Variants in UGT1A9 observed in about 807,000 individuals in gnomAD.
The protein encoded by UGT1A9 is UDP-glucuronosyltransferase 1A9.
A neutral mutation model predicts 45.0 loss-of-function variants in UGT1A9; 35 were observed. The observed-to-expected ratio is 0.78, with a 90% CI of 0.59 to 1.03. UGT1A9 has a LOEUF of 1.03. UGT1A9 is among the 50% of genes least tolerant of loss of function. The pLI is 0.00. For missense variants in UGT1A9, 687 were observed against 666.6 expected (o/e 1.03, Z -0.34); for synonymous variants, 278 against 250.6 (o/e 1.11, Z -1.03).
At chr2:233,728,129 G>A (rs554109385) in intron 1 of UGT1A9, among the ~76,000 whole-genome samples, 1 of 152,318 alleles carries the variant, frequency 6.6e-6, no homozygotes, top group South Asian at 2.1e-4. Context: ...ATTTGGACTA[G>A]GGCCCCCACA....
chr2:233,712,866 G>A (rs1236935374), intron 1 of UGT1A9: 3 of 1,573,916 alleles, frequency 1.9e-6, no homozygotes, highest in African/African-American at 1.4e-5. Flanking sequence ...CTGGAGGAGG[G>A]CACTCTGTCT....
chr2:233,724,607 C>G (rs536726765), intron 1 of UGT1A9, among the ~76,000 whole-genome samples: 1,973 of 135,436 alleles, frequency 0.015, 114 homozygotes, highest in Non-Finnish European at 0.021. Context: ...GATGGGCGGC[C>G]GGGCAGAGAC....
At chr2:233,740,770 T>C (rs1691472296) in intron 1 of UGT1A9, 2 of 151,812 alleles carry the variant, frequency 1.3e-5, no homozygotes, top group Admixed American at 6.5e-5. Flanking sequence ...CAAACCGTTG[T>C]ATAAAAGATG....
At chr2:233,717,172 G>A (rs557885764) in intron 1 of UGT1A9, among the ~76,000 whole-genome samples, 1 of 152,170 alleles carries the variant, frequency 6.6e-6, no homozygotes, top group Non-Finnish European at 1.5e-5. Context: ...CTTGAATGTG[G>A]CAAGAGCACC....
intron 1 of UGT1A9, among the ~76,000 whole-genome samples, chr2:233,706,345 A>G (rs2075904063): frequency 6.6e-6 from 1 of 152,210 alleles, no homozygotes. Flanking sequence ...TGACCCTGAA[A>G]AAACATTCTT....
intron 1 of UGT1A9, chr2:233,744,153 G>A (rs1282239718): frequency 6.6e-6 from 2 of 302,660 alleles, no homozygotes; most frequent in Non-Finnish European, 1.3e-5. Flanking sequence ...TCCAAGACCA[G>A]GCCCCGCCCA....
rs546323978 is a variant in UGT1A9, at chr2:233,743,185, G to C, written c.856-23849G>C. On this transcript the variant is annotated intron_variant, in intron 1 of 4. Transcript: ENST00000354728. ...TGTGCTTAAAGTCAAATGTGGACTG[G>C]AATTACTTGGTGTCAATGCGGAGTA... 3 of 372,746 alleles carry C rather than the reference G, an allele frequency of 8.0e-6. No homozygotes were observed. The East Asian group carries it at 2.2e-4, about 27-fold the overall frequency. The allele number at this position is 372,746 out of a possible 1,614,324, so 23.1% of individuals were successfully genotyped here.
chr2:233,743,885 G>C (rs1351631369), intron 1 of UGT1A9: 1 of 1,366,928 alleles, frequency 7.3e-7, no homozygotes, highest in Non-Finnish European at 9.8e-7. Context: ...GGCCTGCCGG[G>C]GCACGTCCAG....
At chr2:233,680,576 C>T (rs1427631775) in intron 1 of UGT1A9, among the ~76,000 whole-genome samples, 1 of 152,178 alleles carries the variant, frequency 6.6e-6, no homozygotes, top group Non-Finnish European at 1.5e-5. Flanking sequence ...CTAACACACA[C>T]TGCTGAGCTC....
chr2:233,709,023 G>A (rs1369386629), intron 1 of UGT1A9, among the ~76,000 whole-genome samples: 2 of 152,070 alleles, frequency 1.3e-5, no homozygotes, highest in Non-Finnish European at 1.5e-5. Context: ...CCAAGCAGCA[G>A]GGGCTTCAGC....
chr2:233,752,059 C>T lies in UGT1A9; in HGVS notation c.856-14975C>T, dbSNP rs190441645. ...GTAAGCTGTTGTGTGAATGATTTCC[C>T]GAGATGGGGAAGTCTCTCTACCTGT... On this transcript the variant is annotated intron_variant, in intron 1 of 4. Transcript: ENST00000354728. 8.5e-5 allele frequency among the ~76,000 whole-genome samples: 13 copies of T among 152,200 alleles called. No homozygotes were observed. In the East Asian group the frequency reaches 9.6e-4, roughly 11 times the overall value.
chr2:233,744,112 C>T (rs1010440918), intron 1 of UGT1A9: 4 of 367,842 alleles, frequency 1.1e-5, no homozygotes, highest in African/African-American at 6.4e-5. Context: ...TGGCCCTGCT[C>T]TCTGTGAGGC....
chr2:233,694,315 TC>T (rs1553606365), intron 1 of UGT1A9, among the ~76,000 whole-genome samples: 16 of 152,054 alleles, frequency 1.1e-4, no homozygotes, highest in African/African-American at 3.9e-4. Flanking sequence ...TTTTTTTTTT[TC>T]CTTTTATGTT....
intron 1 of UGT1A9, among the ~76,000 whole-genome samples, chr2:233,680,686 T>A (rs1375454354): frequency 6.6e-6 from 1 of 151,856 alleles, no homozygotes; most frequent in East Asian, 1.9e-4. Flanking sequence ...GGAAGGAGGA[T>A]GAAAACAGGT....
intron 1 of UGT1A9, chr2:233,713,124 C>A (rs746932812): frequency 6.2e-7 from 1 of 1,614,184 alleles, no homozygotes; most frequent in South Asian, 1.1e-5. Flanking sequence ...GCTCAGCATG[C>A]GGGAGGCCTT....
At chr2:233,763,403 G>T (rs1219713616) in intron 1 of UGT1A9, among the ~76,000 whole-genome samples, 1 of 152,040 alleles carries the variant, frequency 6.6e-6, no homozygotes, top group Non-Finnish European at 1.5e-5. Context: ...CATGGCACTG[G>T]TATTTTTAAT....
intron 1 of UGT1A9, among the ~76,000 whole-genome samples, chr2:233,706,431 G>C (rs1375415239): frequency 6.6e-6 from 1 of 152,262 alleles, no homozygotes; most frequent in African/African-American, 2.4e-5. Context: ...TTCAGCCACA[G>C]ACTTGGTCAA....
chr2:233,726,367 A>C (rs994250212), intron 1 of UGT1A9, among the ~76,000 whole-genome samples: 1 of 152,216 alleles, frequency 6.6e-6, no homozygotes, highest in Non-Finnish European at 1.5e-5. Flanking sequence ...AAACACAACA[A>C]AAACCAAAAT....
intron 1 of UGT1A9, chr2:233,719,003 C>A: frequency 6.2e-7 from 1 of 1,614,256 alleles, no homozygotes; most frequent in Non-Finnish European, 8.5e-7. Flanking sequence ...CGGTGGTCCT[C>A]ACCCCAGAGG....
Sources: gnomAD v4.1 joint callset for allele counts (sites outside exome capture counted in the v4.1 genomes callset) on GRCh38, gnomAD v4.1.1 for gene constraint, MANE v1.5 for transcripts, NCBI Gene and HGNC (gene_info 2026-07-23, HGNC 2026-07-21) for gene names.